HERC2: variants seen among roughly 807,000 people sequenced by gnomAD.
The protein encoded by HERC2 is HECT and RLD domain containing E3 ubiquitin protein ligase 2.
HERC2 carries 102 observed loss-of-function variants against 537.7 expected under a neutral mutation model. The observed-to-expected ratio is 0.19, with a 90% CI of 0.16 to 0.22. The LOEUF (loss-of-function observed/expected upper bound fraction) is 0.22, where lower values mean the gene tolerates loss of function less well. Among genes scored for constraint, HERC2 ranks in the 10% least tolerant of loss-of-function variants. The pLI is 1.00. For missense variants in HERC2, 4,236 were observed against 6,198.2 expected, an observed-to-expected ratio of 0.68 and a Z score of 10.63; for synonymous variants, 2,224 against 2,466.2, an observed-to-expected ratio of 0.90 and a Z score of 2.91.
intron 5 of HERC2, among the ~76,000 whole-genome samples, chr15:28,279,206 C>T (rs1217512576): frequency 6.6e-6 from 1 of 151,990 alleles, no homozygotes; most frequent in African/African-American, 2.4e-5. Flanking sequence ...TTGGTCAGAT[C>T]TCCAACTCCC....
chr15:28,259,384 T>C (rs2075356446), intron 16 of HERC2, among the ~76,000 whole-genome samples: 1 of 152,104 alleles, frequency 6.6e-6, no homozygotes, highest in South Asian at 2.1e-4. Context: ...CGTGAGCCAC[T>C]GTGTCTGGCG....
intron 16 of HERC2, among the ~76,000 whole-genome samples, chr15:28,257,694 A>G (rs902609434): frequency 3.9e-5 from 6 of 152,064 alleles, no homozygotes; most frequent in Non-Finnish European, 8.8e-5. Context: ...CTATGAATAA[A>G]CTGGATCTAA....
At chr15:28,276,167 C>G (rs2075866500) in intron 5 of HERC2, among the ~76,000 whole-genome samples, 1 of 106,938 alleles carries the variant, frequency 9.4e-6, no homozygotes, top group South Asian at 3.2e-4. Flanking sequence ...GCCTGGGAGG[C>G]AGAGCAAGAC....
At chr15:28,114,010 C>T (rs1887949085) in intron 90 of HERC2, among the ~76,000 whole-genome samples, 1 of 152,222 alleles carries the variant, frequency 6.6e-6, no homozygotes, top group South Asian at 2.1e-4. Context: ...AGGCCCGAGA[C>T]ACTGTGCTGA....
intron 5 of HERC2, among the ~76,000 whole-genome samples, chr15:28,276,592 G>A (rs776137971): frequency 7.2e-5 from 11 of 151,922 alleles, no homozygotes; most frequent in African/African-American, 1.5e-4. Context: ...AAAATTAGCC[G>A]GGTGTGGTGG....
intron 52 of HERC2, 74 bp from the exon 53 acceptor site, chr15:28,192,225 A>G (rs964246983): frequency 2.4e-6 from 3 of 1,263,302 alleles, no homozygotes; most frequent in Non-Finnish European, 3.3e-6. Flanking sequence ...AGAATATTAC[A>G]TAGTAAGGAG....
Position 28,130,223 on chromosome 15 carries a change from C to G in HERC2, c.12742G>C (p.Gly4248Arg), listed in dbSNP as rs1489480716. 1 of 1,614,062 alleles carries G rather than the reference C, an allele frequency of 6.2e-7. No individual in the cohort carries two copies. The highest frequency in any genetic ancestry group is 8.5e-7 in the Non-Finnish European group (1 of 1,180,050). ...GTGGCGATGGCGATGACTTTCTTCC[C>G]CTGCAACCCTTGGACCTGCCGAGGC... ...RRPRQVQGLQ[G>R]KKVIAIATGS... Residue 4248 changes from glycine (G) to arginine (R), a missense_variant, in exon 83 of 93, where the codon GGG (glycine) becomes CGG (arginine). Gly to Arg is a moderately radical substitution (Grantham distance 125). Coordinates refer to ENST00000261609, the MANE Select transcript of HERC2 (RefSeq NM_004667.6).
intron 52 of HERC2, among the ~76,000 whole-genome samples, chr15:28,194,177 C>T (rs565436941): frequency 7.6e-4 from 115 of 151,026 alleles, no homozygotes; most frequent in African/African-American, 2.1e-3. Flanking sequence ...GCCATTCTCC[C>T]GCTTCAGCCT....
chr15:28,217,864 G>A (rs574018664), intron 38 of HERC2, among the ~76,000 whole-genome samples: 1 of 152,066 alleles, frequency 6.6e-6, no homozygotes, highest in South Asian at 2.1e-4. Context: ...CCCAGAAGCT[G>A]GACAAAGTAA....
At chr15:28,315,637 A>T in intron 2 of HERC2, 1 of 581,770 alleles carries the variant, frequency 1.7e-6, no homozygotes, top group Non-Finnish European at 3.2e-6. Flanking sequence ...TACTAAAAAT[A>T]TAAAAAATTA....
At position 28,122,444 on chromosome 15, in the gene HERC2, C is replaced by A. The variant is rs1336233139; in HGVS notation, c.13189-1015G>T. Among the ~76,000 whole-genome samples, 1 of 152,184 alleles carries A rather than the reference C, an allele frequency of 6.6e-6. No homozygotes were observed. The highest frequency in any genetic ancestry group is 1.9e-4 in the East Asian group (1 of 5,180). Reference sequence around the variant, plus strand: ...CAGCTCAAAGCCTAAGAACTCCAAGCCCTGAAGGCAGGAGGTGAGGGCCCC... The same window carrying A: ...CAGCTCAAAGCCTAAGAACTCCAAGACCTGAAGGCAGGAGGTGAGGGCCCC... On this transcript the variant is annotated intron_variant, in intron 85 of 92. Coordinates refer to ENST00000261609, the MANE Select transcript of HERC2 (RefSeq NM_004667.6). The surrounding 1 kb of genome is among the most constrained non-coding windows in gnomAD (Gnocchi z 4.1).
At chr15:28,167,860 A>G (rs1894307243) in intron 67 of HERC2, 33 bp from the exon 68 acceptor site, 1 of 1,576,484 alleles carries the variant, frequency 6.3e-7, no homozygotes. Context: ...GGGAAGTTTA[A>G]GTGGAAAAAC....
At chr15:28,302,839 A>G (rs1596444317) in intron 2 of HERC2, among the ~76,000 whole-genome samples, 3 of 152,078 alleles carry the variant, frequency 2.0e-5, no homozygotes, top group African/African-American at 7.2e-5. Context: ...TCTTTTGCCC[A>G]TTCTTATTGG....
intron 38 of HERC2, among the ~76,000 whole-genome samples, chr15:28,217,694 G>A: frequency 6.6e-6 from 1 of 152,172 alleles, no homozygotes; most frequent in East Asian, 1.9e-4. Flanking sequence ...ACGTCATTAA[G>A]GTAAGAATTT....
chr15:28,279,933 T>C (rs1192709312), intron 5 of HERC2, 135 bp downstream of exon 5: 6 of 701,138 alleles, frequency 8.6e-6, no homozygotes, highest in Non-Finnish European at 4.8e-6. Flanking sequence ...ATACAAAACA[T>C]ACAAAAAGGG....
At chr15:28,160,147 G>T (rs1596085611) in intron 69 of HERC2, among the ~76,000 whole-genome samples, 1 of 152,218 alleles carries the variant, frequency 6.6e-6, no homozygotes, top group Admixed American at 6.5e-5. Flanking sequence ...GCTCCTACTG[G>T]GGGGTGCCTC....
intron 86 of HERC2, chr15:28,117,432 C>T (rs531560438): frequency 2.1e-5 from 14 of 680,354 alleles, no homozygotes; most frequent in East Asian, 2.8e-5. Flanking sequence ...CCTTCCAACA[C>T]GACACACACC....
chr15:28,153,195 A>C (rs1306142306), intron 69 of HERC2, among the ~76,000 whole-genome samples: 1 of 152,120 alleles, frequency 6.6e-6, no homozygotes, highest in Non-Finnish European at 1.5e-5. Flanking sequence ...CTCTACTAAA[A>C]ATAAAAACTT....
At chr15:28,244,090 G>C (rs2140772492) in intron 23 of HERC2, among the ~76,000 whole-genome samples, 1 of 152,190 alleles carries the variant, frequency 6.6e-6, no homozygotes, top group East Asian at 1.9e-4. Flanking sequence ...CTTGAGCCGG[G>C]GAGGTCAAGG....
Sources: gnomAD v4.1 joint callset for allele counts (sites outside exome capture counted in the v4.1 genomes callset) on GRCh38, gnomAD v4.1.1 for gene constraint, Gnocchi (gnomAD v3.1) non-coding constraint, MANE v1.5 for transcripts, NCBI Gene and HGNC (gene_info 2026-07-23, HGNC 2026-07-21) for gene names.